The following CREB5 variants were observed in gnomAD, a reference collection of about 807,000 sequenced individuals.
CREB5 encodes cyclic AMP-responsive element-binding protein 5.
In CREB5, 19 loss-of-function variants were observed where a neutral mutation model predicts 57.1. That is an observed-to-expected ratio of 0.33 (90% CI 0.23 to 0.49). The LOEUF (loss-of-function observed/expected upper bound fraction) is 0.49. Among genes scored for constraint, CREB5 ranks in the 20% least tolerant of loss-of-function variants. CREB5 has a pLI of 0.99. For missense variants in CREB5, 579 were observed against 671.6 expected (o/e 0.86, Z 1.52); for synonymous variants, 238 against 238.3 (o/e 1.00, Z 0.01).
intron 1 of CREB5, among the ~76,000 whole-genome samples, chr7:28,389,885 C>T (rs925126574): frequency 3.3e-5 from 5 of 152,042 alleles, no homozygotes; most frequent in Non-Finnish European, 5.9e-5. Context: ...GCTTGGAACT[C>T]GGCATCGATA....
At chr7:28,394,070 CAAAAAAAAAAAAA>C (rs56166148) in intron 1 of CREB5, among the ~76,000 whole-genome samples, 32 of 52,994 alleles carry the variant, frequency 6.0e-4, no homozygotes, top group South Asian at 2.2e-3. Context: ...GACTCTGTCT[CAAAAAAAAAAAAA>C]AAAAAAAAAA....
chr7:28,620,791 T>C (rs2128685273), intron 5 of CREB5, among the ~76,000 whole-genome samples: 2 of 152,238 alleles, frequency 1.3e-5, no homozygotes, highest in South Asian at 4.1e-4. Context: ...TCTATACAGA[T>C]AGCCAAGTCT....
intron 7 of CREB5, among the ~76,000 whole-genome samples, chr7:28,766,199 G>T (rs964000465): frequency 6.6e-6 from 1 of 151,950 alleles, no homozygotes; most frequent in Non-Finnish European, 1.5e-5. Flanking sequence ...TCTTTGTTAT[G>T]CACCATCTCT....
At chr7:28,353,551 T>A (rs1330339520) in intron 1 of CREB5, among the ~76,000 whole-genome samples, 1 of 152,024 alleles carries the variant, frequency 6.6e-6, no homozygotes, top group African/African-American at 2.4e-5. Context: ...CATACAAAAA[T>A]GGGAGAACGG....
chr7:28,392,729 CA>C (rs1041762772), intron 1 of CREB5, among the ~76,000 whole-genome samples: 1 of 152,100 alleles, frequency 6.6e-6, no homozygotes, highest in African/African-American at 2.4e-5. Context: ...CATTTTTATA[CA>C]TATAGAAAAG....
intron 1 of CREB5, among the ~76,000 whole-genome samples, chr7:28,316,949 C>T (rs1023632421): frequency 6.6e-6 from 1 of 151,514 alleles, no homozygotes; most frequent in African/African-American, 2.4e-5. Context: ...GTTGGGTCAA[C>T]AATAAATATG....
chr7:28,335,666 T>C (rs1282509102), intron 1 of CREB5, among the ~76,000 whole-genome samples: 1 of 152,108 alleles, frequency 6.6e-6, no homozygotes, highest in East Asian at 1.9e-4. Context: ...ATTTGACTTA[T>C]TCCTTTCTAA....
chr7:28,653,845 C>A (rs539988166), intron 5 of CREB5, among the ~76,000 whole-genome samples: 1 of 152,308 alleles, frequency 6.6e-6, no homozygotes, highest in East Asian at 1.9e-4. Flanking sequence ...GACTATTAAC[C>A]AATTGGCTCT....
chr7:28,607,412 G>A (rs1797180057), intron 5 of CREB5, among the ~76,000 whole-genome samples: 1 of 152,148 alleles, frequency 6.6e-6, no homozygotes, highest in South Asian at 2.1e-4. Context: ...GCGGAATGAG[G>A]CCTTCCAGGC....
chr7:28,385,237 C>G (rs1282093014), intron 1 of CREB5, among the ~76,000 whole-genome samples: 1 of 152,100 alleles, frequency 6.6e-6, no homozygotes, highest in Non-Finnish European at 1.5e-5. Context: ...TACCTGGCAG[C>G]AGAATTGGGC....
At chr7:28,612,340 C>T (rs2128678091) in intron 5 of CREB5, among the ~76,000 whole-genome samples, 1 of 152,150 alleles carries the variant, frequency 6.6e-6, no homozygotes, top group East Asian at 1.9e-4. Flanking sequence ...CACCTACAAG[C>T]CGTGGGTCTC....
At chr7:28,776,340 A>AG (rs1193546443) in intron 7 of CREB5, among the ~76,000 whole-genome samples, 3 of 143,066 alleles carry the variant, frequency 2.1e-5, no homozygotes, top group Non-Finnish European at 4.8e-5. Flanking sequence ...TCTGTCTCAA[A>AG]AAAAAAAAAA....
intron 8 of CREB5, among the ~76,000 whole-genome samples, chr7:28,805,450 A>T (rs2282912): frequency 6.6e-6 from 1 of 151,882 alleles, no homozygotes. Flanking sequence ...CAACCAGCTG[A>T]ATCAGAAGGG....
At chr7:28,395,462 T>G (rs777025112) in intron 1 of CREB5, among the ~76,000 whole-genome samples, 16 of 152,222 alleles carry the variant, frequency 1.1e-4, no homozygotes, top group Non-Finnish European at 1.8e-4. Flanking sequence ...TGTTTCTGTT[T>G]TCAATTTCCT....
intron 7 of CREB5, among the ~76,000 whole-genome samples, chr7:28,771,331 C>G (rs966907316): frequency 6.6e-6 from 1 of 152,116 alleles, no homozygotes; most frequent in Non-Finnish European, 1.5e-5. Context: ...GAAAAAAATT[C>G]AGAGTCAGTT....
chr7:28,411,282 G>A (rs1033465648), upstream of CREB5, among the ~76,000 whole-genome samples: 2 of 152,170 alleles, frequency 1.3e-5, no homozygotes, highest in South Asian at 2.1e-4. Flanking sequence ...TAGCAGAAGA[G>A]GGATGCTGAC....
chr7:28,539,229 A>G (rs1794102304), intron 4 of CREB5, among the ~76,000 whole-genome samples: 3 of 152,222 alleles, frequency 2.0e-5, no homozygotes, highest in Admixed American at 6.5e-5. Context: ...TACCTGGCAC[A>G]TAGTAAATAC....
chr7:28,706,132 A>G lies in CREB5; in HGVS notation c.465-12621A>G, dbSNP rs371515784. On this transcript the variant is annotated intron_variant, in intron 5 of 10. Coordinates refer to ENST00000357727, the MANE Select transcript of CREB5 (RefSeq NM_182898.4). The stretch of plus-strand genomic sequence containing the variant: ...CACTTTGGGAGGCCGAGGCGGGTAG[A>G]TCACCTGAGGTCCGGAGTTCGAGAC... 1.0e-3 allele frequency among the ~76,000 whole-genome samples: 159 copies of G among 152,348 alleles called. 1 individual carries two copies. Among genetic ancestry groups the G allele is most frequent in the African/African-American group, 2.9e-3 (121 of 41,588 alleles).
At chr7:28,783,727 C>T (rs1250921725) in intron 7 of CREB5, among the ~76,000 whole-genome samples, 6 of 152,120 alleles carry the variant, frequency 3.9e-5, no homozygotes, top group East Asian at 1.9e-4. Context: ...TCTACCATAC[C>T]TGGCTCACTG....
Sources: gnomAD v4.1 joint callset for allele counts (sites outside exome capture counted in the v4.1 genomes callset) on GRCh38, gnomAD v4.1.1 for gene constraint, MANE v1.5 for transcripts, NCBI Gene and HGNC (gene_info 2026-07-23, HGNC 2026-07-21) for gene names.